Variants in PPARA observed in about 807,000 individuals in gnomAD.
PPARA encodes peroxisome proliferator-activated receptor alpha.
PPARA carries 22 observed loss-of-function variants against 42.2 expected under a neutral mutation model. The observed-to-expected ratio is 0.52, with a 90% confidence interval of 0.37 to 0.74. The LOEUF is 0.74. Among genes scored for constraint, PPARA ranks in the 30% least tolerant of loss-of-function variants. The pLI, the probability that PPARA is intolerant of heterozygous loss-of-function variation, is 0.00. For synonymous variants in PPARA, 242 were observed against 239.3 expected (o/e 1.01, Z -0.10); for missense variants, 465 against 608.2 (o/e 0.76, Z 2.48).
chr22:46,231,294 C>A lies in PPARA; in HGVS notation c.712-498C>A, dbSNP rs1935852018. Among the ~76,000 whole-genome samples the A allele has an allele frequency of 6.6e-6, 1 of 152,026 alleles. No homozygotes were observed. Among genetic ancestry groups the A allele is most frequent in the Admixed American group, 6.6e-5 (1 of 15,254 alleles). On this transcript the variant is annotated intron_variant, in intron 7 of 8. Transcript: ENST00000407236. The surrounding 1 kb of genome is among the most constrained non-coding windows in gnomAD (Gnocchi z 7.7). ...AGTGCAGTGGCGCAATGTCGGCTCA[C>A]TGCAAGCTCTGCCTCCTGGGTTCAC...
At position 46,191,911 on chromosome 22, in the gene PPARA, C is replaced by G. The variant is rs946579477; in HGVS notation, c.-42-6431C>G. On this transcript the variant is annotated intron_variant, in intron 3 of 8. Transcript: ENST00000407236. The surrounding 1 kb of genome is among the most constrained non-coding windows in gnomAD (Gnocchi z 4.6). ...TGAAACCTTGTCTCTACTAAAAATA[C>G]AAAAGTAGCCGGGCGTGGTGGCGCA... Among the ~76,000 whole-genome samples the G allele has an allele frequency of 1.4e-4, 22 of 152,088 alleles. No homozygotes were observed. Among genetic ancestry groups the G allele is most frequent in the African/African-American group, 5.1e-4 (21 of 41,418 alleles).
intron 4 of PPARA, among the ~76,000 whole-genome samples, chr22:46,205,851 C>T (rs1266212076): frequency 2.0e-5 from 3 of 151,656 alleles, no homozygotes; most frequent in South Asian, 2.1e-4. Context: ...TGTTGTAATC[C>T]GTGGTAAAAT....
rs977140764 is a variant in PPARA at position 46,196,569 on chromosome 22, C to T, written c.-42-1773C>T. 3.3e-5 allele frequency among the ~76,000 whole-genome samples: 5 copies of T among 152,238 alleles called. No homozygotes were observed. The highest frequency in any genetic ancestry group is 3.3e-4 in the Admixed American group (5 of 15,288). On this transcript the variant is annotated intron_variant, in intron 3 of 8. Transcript: ENST00000407236. The surrounding 1 kb of genome is among the most constrained non-coding windows in gnomAD (Gnocchi z 5.6). ...CCAAGACATTTACACAGCTTGCCCC[C>T]TCATTCCCTGAGGTTATCTCCTGCC...
rs1221002475 is a variant in PPARA at position 46,240,698 on chromosome 22, T to C, written c.*5318T>C. 6.4e-6 allele frequency: 1 copy of C among 155,166 alleles called. No homozygotes were observed. Among genetic ancestry groups the C allele is most frequent in the South Asian group, 2.1e-4 (1 of 4,862 alleles). The allele number at this position is 155,166 out of a possible 1,614,324, so 9.6% of individuals were successfully genotyped here. On this transcript the variant is annotated 3_prime_UTR_variant, in exon 9 of 9. Transcript: ENST00000407236. The surrounding 1 kb of genome is among the most constrained non-coding windows in gnomAD (Gnocchi z 6.0). ...AGGAGGTTTGTCTCAACACTTCCCATTTTTACGGCATTGGCATTGCCAAGC... is the reference window on the plus strand; with the variant it reads ...AGGAGGTTTGTCTCAACACTTCCCACTTTTACGGCATTGGCATTGCCAAGC...
At chr22:46,151,638 C>T (rs148630485) in intron 1 of PPARA, among the ~76,000 whole-genome samples, 1 of 152,252 alleles carries the variant, frequency 6.6e-6, no homozygotes, top group Non-Finnish European at 1.5e-5. Context: ...CGGGGCTGCA[C>T]GCCCACGTCA....
At position 46,150,919 on chromosome 22, in the gene PPARA, G is replaced by T. The variant is rs1404637631; in HGVS notation, c.-210+267G>T. 2.6e-5 allele frequency: 4 copies of T among 152,178 alleles called. No individual in the cohort carries two copies. Among genetic ancestry groups the T allele is most frequent in the South Asian group, 2.1e-4 (1 of 4,818 alleles). The allele number at this position is 152,178 out of a possible 1,614,324, so 9.4% of individuals were successfully genotyped here. ...GGGGCCCAGCTCGGCCTCCCTCCTA[G>T]CGCTGGGGGCCTGCCCGGAACCCGA... On this transcript the variant is annotated intron_variant, in intron 1 of 8. Coordinates refer to ENST00000407236, the MANE Select transcript of PPARA (RefSeq NM_005036.6). The surrounding 1 kb of genome is among the most constrained non-coding windows in gnomAD (Gnocchi z 7.5).
At chr22:46,179,017 C>T (rs1929569426) in intron 3 of PPARA, among the ~76,000 whole-genome samples, 1 of 152,106 alleles carries the variant, frequency 6.6e-6, no homozygotes, top group African/African-American at 2.4e-5. Flanking sequence ...GTGCTGGCAT[C>T]CGGTGAGGGC....
rs139777344 is a variant in PPARA, at chr22:46,205,985, A to G, written c.208+7394A>G. On this transcript the variant is annotated intron_variant, in intron 4 of 8. Transcript: ENST00000407236. ...TTTAACTGGTTTGTGTCTTTATACT[A>G]TGGTTTGATTTAAATCTATTATCTC... 6.1e-3 allele frequency among the ~76,000 whole-genome samples: 927 copies of G among 152,148 alleles called. 9 individuals are homozygous for G. The highest frequency in any genetic ancestry group is 0.021 in the African/African-American group (854 of 41,504).
At chr22:46,229,930 T>C (rs773596016) in intron 7 of PPARA, among the ~76,000 whole-genome samples, 1 of 152,234 alleles carries the variant, frequency 6.6e-6, no homozygotes, top group Non-Finnish European at 1.5e-5. Flanking sequence ...GAAGACAGTT[T>C]TGTGCTGTGA....
chr22:46,216,041 C>A lies in PPARA; in HGVS notation c.369+708C>A, dbSNP rs1019291510. 1.3e-5 allele frequency among the ~76,000 whole-genome samples: 2 copies of A among 152,158 alleles called. No homozygotes were observed. Among genetic ancestry groups the A allele is most frequent in the African/African-American group, 4.8e-5 (2 of 41,428 alleles). Reference sequence around the variant, plus strand: ...TTTAGAGAGTCTAGGACAAATGGTTCCTCTGTGCTTTGTAAATACTTAGAG... The same window carrying A: ...TTTAGAGAGTCTAGGACAAATGGTTACTCTGTGCTTTGTAAATACTTAGAG... On this transcript the variant is annotated intron_variant, in intron 5 of 8. Coordinates refer to ENST00000407236, the MANE Select transcript of PPARA (RefSeq NM_005036.6). The surrounding 1 kb of genome is among the most constrained non-coding windows in gnomAD (Gnocchi z 4.5).
chr22:46,154,450 T>C (rs1924949513), intron 2 of PPARA, among the ~76,000 whole-genome samples: 3 of 152,064 alleles, frequency 2.0e-5, no homozygotes, highest in Admixed American at 2.0e-4. Flanking sequence ...AAACCCTGCA[T>C]CTACTAAAAA....
In PPARA at chr22:46,180,352, T is replaced by TA. The variant is rs1386899438; in HGVS notation, c.-43+3521dup. On this transcript the variant is annotated intron_variant, in intron 3 of 8. Transcript: ENST00000407236. This position sits in a 1 kb window ranked among gnomAD's most constrained non-coding sequence, Gnocchi z 4.2. ...ATAGAAATAATGATAGTTTCTTTAA[T>TA]AAAAATGCTGTTTAGGCCCAGACTG... Among the ~76,000 whole-genome samples the TA allele has an allele frequency of 1.3e-5, 2 of 152,130 alleles. No homozygotes were observed. Among genetic ancestry groups the TA allele is most frequent in the Non-Finnish European group, 2.9e-5 (2 of 68,028 alleles).
Position 46,160,752 on chromosome 22 carries a change from C to T in PPARA, c.-127+8782C>T, listed in dbSNP as rs2147125603. ...AGCAGCTGGGACTACAGGTGCACAC[C>T]ACCACACCCAACTAGATTTTGTGTT... On this transcript the variant is annotated intron_variant, in intron 2 of 8. Coordinates refer to ENST00000407236, the MANE Select transcript of PPARA (RefSeq NM_005036.6). This position sits in a 1 kb window ranked among gnomAD's most constrained non-coding sequence, Gnocchi z 4.5. Among the ~76,000 whole-genome samples the T allele has an allele frequency of 6.6e-6, 1 of 152,230 alleles. No individual in the cohort carries two copies. Among genetic ancestry groups the T allele is most frequent in the African/African-American group, 2.4e-5 (1 of 41,536 alleles).
Position 46,211,853 on chromosome 22 carries a change from C to G in PPARA, c.209-3320C>G, listed in dbSNP as rs555976287. Among the ~76,000 whole-genome samples, 3 of 152,176 alleles carry G rather than the reference C, an allele frequency of 2.0e-5. No individual in the cohort carries two copies. Among genetic ancestry groups the G allele is most frequent in the Admixed American group, 6.5e-5 (1 of 15,274 alleles). On this transcript the variant is annotated intron_variant, in intron 4 of 8. Transcript: ENST00000407236. This position sits in a 1 kb window ranked among gnomAD's most constrained non-coding sequence, Gnocchi z 4.1. ...GGCACGCACCACCACCCCTGGCTAA[C>G]TTTTTGTATTTTTACAAAATACAAA...
intron 5 of PPARA, among the ~76,000 whole-genome samples, chr22:46,215,978 A>G (rs903883302): frequency 1.3e-5 from 2 of 152,158 alleles, no homozygotes; most frequent in Admixed American, 6.5e-5. Context: ...TCTTCCATGA[A>G]ACCGGTCCCT....
rs34858419 is a variant in PPARA, at chr22:46,225,992, TACAC to T, written c.712-5794_712-5791del. Reference sequence around the variant, plus strand: ...TCACCCATACAGTCACACACATGCATACACACACATACAAACACATGCATTCACA... The same window carrying T: ...TCACCCATACAGTCACACACATGCATACACATACAAACACATGCATTCACA... On this transcript the variant is annotated intron_variant, in intron 7 of 8. Transcript: ENST00000407236. The surrounding 1 kb of genome is among the most constrained non-coding windows in gnomAD (Gnocchi z 4.1). Among the ~76,000 whole-genome samples, 2 of 151,450 alleles carry T rather than the reference TACAC, an allele frequency of 1.3e-5. No homozygotes were observed. Among genetic ancestry groups the T allele is most frequent in the Admixed American group, 1.3e-4 (2 of 15,208 alleles).
At chr22:46,214,218 G>A (rs1934215429) in intron 4 of PPARA, among the ~76,000 whole-genome samples, 1 of 152,234 alleles carries the variant, frequency 6.6e-6, no homozygotes, top group African/African-American at 2.4e-5. Context: ...CCTGCAGGGT[G>A]AGGTATGGGC....
Position 46,196,749 on chromosome 22 carries a change from G to A in PPARA, c.-42-1593G>A, listed in dbSNP as rs1932278875. Among the ~76,000 whole-genome samples, 1 of 152,224 alleles carries A rather than the reference G, an allele frequency of 6.6e-6. No homozygotes were observed. The highest frequency in any genetic ancestry group is 1.5e-5 in the Non-Finnish European group (1 of 68,044). ...GTTGTTGTTGCTGTTTTGAGGTGGAGTCTTGCTTTGTCGCCCAGGCTGGTG... is the reference window on the plus strand; with the variant it reads ...GTTGTTGTTGCTGTTTTGAGGTGGAATCTTGCTTTGTCGCCCAGGCTGGTG... On this transcript the variant is annotated intron_variant, in intron 3 of 8. Transcript: ENST00000407236. The surrounding 1 kb of genome is among the most constrained non-coding windows in gnomAD (Gnocchi z 5.6).
rs1434433883 is a variant in PPARA at position 46,193,080 on chromosome 22, G to A, written c.-42-5262G>A. Among the ~76,000 whole-genome samples, 9 of 151,970 alleles carry A rather than the reference G, an allele frequency of 5.9e-5. No individual in the cohort carries two copies. The highest frequency in any genetic ancestry group is 5.9e-4 in the Admixed American group (9 of 15,198). ...TTTTTGTTGTTTTGTTGTTGTTGTT[G>A]TTTTGAGACAGAGTCTCACTCTGTC... On this transcript the variant is annotated intron_variant, in intron 3 of 8. Coordinates refer to ENST00000407236, the MANE Select transcript of PPARA (RefSeq NM_005036.6). This position sits in a 1 kb window ranked among gnomAD's most constrained non-coding sequence, Gnocchi z 5.3.
Sources: gnomAD v4.1 joint callset for allele counts (sites outside exome capture counted in the v4.1 genomes callset) on GRCh38, gnomAD v4.1.1 for gene constraint, Gnocchi (gnomAD v3.1) non-coding constraint, MANE v1.5 for transcripts, NCBI Gene and HGNC (gene_info 2026-07-23, HGNC 2026-07-21) for gene names.